Variants in DHCR7 observed in about 807,000 individuals in gnomAD.
DHCR7 encodes 7-dehydrocholesterol reductase, also known as 7-DHC reductase.
Under a neutral mutation model 43.3 loss-of-function variants are expected in DHCR7, and 40 were observed. The ratio of observed to expected loss-of-function variants is 0.92; its 90% CI spans 0.72 to 1.20. The LOEUF is 1.20. Ranked by LOEUF, DHCR7 falls within the 50% of genes most tolerant of loss-of-function variation. The pLI, the probability that DHCR7 is intolerant of heterozygous loss-of-function variation, is 0.00. For synonymous variants in DHCR7, 298 were observed against 271.4 expected, an observed-to-expected ratio of 1.10 and a Z score of -0.96; for missense variants, 608 against 644.6, an observed-to-expected ratio of 0.94 and a Z score of 0.62.
In DHCR7 at chr11:71,444,226, G is replaced by C. The variant is rs371964662; in HGVS notation, c.99-11C>G. On this transcript the variant is annotated splice_polypyrimidine_tract_variant and intron_variant, in intron 3 of 8. Coordinates refer to ENST00000355527, the MANE Select transcript of DHCR7 (RefSeq NM_001360.3). ...AACCAGTCCACCTCCCTGCGAGGAC[G>C]GATGCAGGCAGTCACACTGGGGCCC... 6.4e-7 allele frequency: 1 copy of C among 1,566,928 alleles called. No homozygotes were observed. Among genetic ancestry groups the C allele is most frequent in the East Asian group, 2.4e-5 (1 of 42,386 alleles).
downstream of DHCR7, among the ~76,000 whole-genome samples, chr11:71,430,217 G>A (rs981870675): frequency 3.9e-5 from 6 of 152,226 alleles, no homozygotes; most frequent in East Asian, 3.8e-4. Flanking sequence ...GTGGCCTGAC[G>A]TTCCCTCTCC....
intron 7 of DHCR7, among the ~76,000 whole-genome samples, chr11:71,438,184 G>A (rs1949309283): frequency 6.6e-6 from 1 of 152,170 alleles, no homozygotes. Context: ...ATCTCTCCCA[G>A]CCCAGGTTCT....
chr11:71,448,237 C>T (rs1053139536), intron 1 of DHCR7, 53 bp downstream of exon 1: 3 of 155,012 alleles, frequency 1.9e-5, no homozygotes, highest in African/African-American at 7.2e-5. Context: ...GCAAGCGCCC[C>T]CCACTGCGCA....
rs1370016475 is a variant in DHCR7 at position 71,444,976 on chromosome 11, T to G, written c.-6-18A>C. 1.9e-6 allele frequency: 3 copies of G among 1,601,266 alleles called. No homozygotes were observed. The highest frequency in any genetic ancestry group is 1.1e-5 in the South Asian group (1 of 90,828). Reference sequence around the variant, plus strand: ...ATTGGGCCCTGCAAGAAAGAGAACCTTGCTTACATTATCCCTCAAATAACA... The same window carrying G: ...ATTGGGCCCTGCAAGAAAGAGAACCGTGCTTACATTATCCCTCAAATAACA... On this transcript the variant is annotated intron_variant, in intron 2 of 8. Transcript: ENST00000355527.
chr11:71,444,354 G>A, intron 3 of DHCR7, 139 bp from the exon 4 acceptor site: 1 of 724,644 alleles, frequency 1.4e-6, no homozygotes, highest in Admixed American at 2.2e-5. Flanking sequence ...TCCTAGCACG[G>A]GCCCTCCTTG....
chr11:71,429,803 T>C (rs1949219553), downstream of DHCR7, among the ~76,000 whole-genome samples: 1 of 152,136 alleles, frequency 6.6e-6, no homozygotes. Context: ...GGTACTTGCC[T>C]CTTGCTAACA....
At chr11:71,444,323 C>G in intron 3 of DHCR7, 108 bp from the exon 4 acceptor site, 1 of 912,920 alleles carries the variant, frequency 1.1e-6, no homozygotes, top group East Asian at 2.6e-5. Context: ...CCACCAGTAC[C>G]CCATGACAGA....
At chr11:71,444,406 G>T (rs1055488135) in intron 3 of DHCR7, among the ~76,000 whole-genome samples, 191 bp from the exon 4 acceptor site, 1 of 152,192 alleles carries the variant, frequency 6.6e-6, no homozygotes, top group African/African-American at 2.4e-5. Context: ...TACTGTAGTT[G>T]ATTAACTGGT....
At chr11:71,443,961 T>C (rs761154047) in intron 4 of DHCR7, 32 bp downstream of exon 4, 7 of 1,578,572 alleles carry the variant, frequency 4.4e-6, no homozygotes, top group Non-Finnish European at 6.1e-6. Context: ...CCCCACCTGC[T>C]GTGTCCCAAC....
At chr11:71,440,151 C>T (rs1949332854) in intron 6 of DHCR7, among the ~76,000 whole-genome samples, 1 of 151,506 alleles carries the variant, frequency 6.6e-6, no homozygotes, top group Non-Finnish European at 1.5e-5. Flanking sequence ...CAGGTGTGTT[C>T]AGAAGTGTCA....
downstream of DHCR7, among the ~76,000 whole-genome samples, chr11:71,432,443 G>A (rs940658754): frequency 2.0e-5 from 3 of 152,116 alleles, no homozygotes; most frequent in Non-Finnish European, 2.9e-5. Flanking sequence ...GACAATAATT[G>A]TTTATATTTA....
At position 71,442,371 on chromosome 11, in the gene DHCR7, C is replaced by T. The variant is rs1438650403; in HGVS notation, c.322-18G>A. 5 of 1,596,216 alleles carry T rather than the reference C, an allele frequency of 3.1e-6. No homozygotes were observed. Among genetic ancestry groups the T allele is most frequent in the Non-Finnish European group, 4.3e-6 (5 of 1,164,264 alleles). ...AGAAGCACCTGAAACACACAAGCAG[C>T]CTGATCACCCCCCGCCTGGAGGGCA... On this transcript the variant is annotated intron_variant, in intron 4 of 8. Transcript: ENST00000355527.
chr11:71,430,970 C>T (rs1185076990), downstream of DHCR7, among the ~76,000 whole-genome samples: 4 of 152,232 alleles, frequency 2.6e-5, no homozygotes, highest in African/African-American at 9.6e-5. Flanking sequence ...GCCTGACCAA[C>T]ATGGAGAAAC....
chr11:71,446,757 CA>C (rs1327042911), intron 2 of DHCR7, among the ~76,000 whole-genome samples: 1 of 152,236 alleles, frequency 6.6e-6, no homozygotes, highest in Non-Finnish European at 1.5e-5. Flanking sequence ...TTAGTTTATG[CA>C]GTTCCTATGA....
intron 8 of DHCR7, among the ~76,000 whole-genome samples, chr11:71,436,556 G>A (rs564976959): frequency 9.2e-5 from 14 of 152,250 alleles, no homozygotes; most frequent in South Asian, 2.1e-4. Flanking sequence ...CCAGCTACTC[G>A]GGAGGCTGAG....
rs1949252802 is a variant in DHCR7 at position 71,434,782 on chromosome 11, C to A, written c.*593G>T. ...CAGACTCCAGGCAGAGCACTCCTGG[C>A]AGCTGTGCAGCAGGAGCAGGAAGGA... is the stretch of plus-strand genomic sequence containing the variant. On this transcript the variant is annotated 3_prime_UTR_variant, in exon 9 of 9. Coordinates refer to ENST00000355527, the MANE Select transcript of DHCR7 (RefSeq NM_001360.3). 6.6e-6 allele frequency: 2 copies of A among 301,810 alleles called. No individual in the cohort carries two copies. The highest frequency in any genetic ancestry group is 2.2e-5 in the African/African-American group (1 of 45,402). The allele number at this position is 301,810 out of a possible 1,614,324, so 18.7% of individuals were successfully genotyped here. A position where few individuals can be genotyped will look rare whatever the true frequency, so the allele number is the denominator to read the frequency against.
At chr11:71,441,131 T>C in intron 6 of DHCR7, 96 bp downstream of exon 6, 2 of 1,149,314 alleles carry the variant, frequency 1.7e-6, no homozygotes, top group South Asian at 2.5e-5. Flanking sequence ...TTCTCAGTGC[T>C]CAGGGCTTTA....
At chr11:71,444,821 AC>A in intron 3 of DHCR7, 33 bp downstream of exon 3, 1 of 1,581,822 alleles carries the variant, frequency 6.3e-7, no homozygotes, top group Non-Finnish European at 8.7e-7. Context: ...ACCACACTTT[AC>A]TTTCTAGCTG....
At chr11:71,430,703 A>G (rs1591105068), downstream of DHCR7, among the ~76,000 whole-genome samples, 1 of 152,240 alleles carries the variant, frequency 6.6e-6, no homozygotes, top group South Asian at 2.1e-4. Flanking sequence ...CTGAGCAACC[A>G]AAACAGCTCT....
Sources: gnomAD v4.1 joint callset for allele counts (sites outside exome capture counted in the v4.1 genomes callset) on GRCh38, gnomAD v4.1.1 for gene constraint, MANE v1.5 for transcripts, NCBI Gene and HGNC (gene_info 2026-07-23, HGNC 2026-07-21) for gene names.